KLF8: variants seen among roughly 807,000 people sequenced by gnomAD.
KLF8 encodes Krueppel-like factor 8.
Under a neutral mutation model 18.2 loss-of-function variants are expected in KLF8, and 10 were observed. The ratio of observed to expected loss-of-function variants is 0.55; its 90% confidence interval spans 0.34 to 0.93. KLF8 has a LOEUF of 0.93. KLF8 is among the 40% of genes least tolerant of loss of function. The probability of loss-of-function intolerance (pLI) is 0.02; values close to 1 mark genes in which losing one functional copy is unlikely to be tolerated. For missense variants in KLF8, 264 were observed against 277.9 expected, an observed-to-expected ratio of 0.95 and a Z score of 0.36; for synonymous variants, 109 against 97.3, an observed-to-expected ratio of 1.12 and a Z score of -0.71.
chrX:56,203,282 T>C, the KLF8 span, among the ~76,000 whole-genome samples: 158 of 112,383 alleles, frequency 1.4e-3, 2 homozygotes, highest in African/African-American at 4.4e-3. Context: ...ATAAGATTTT[T>C]CCCTATATTG....
chrX:56,235,868 A>G (rs759838344), intron 1 of KLF8, among the ~76,000 whole-genome samples: 46 of 112,344 alleles, frequency 4.1e-4, no homozygotes, highest in Admixed American at 5.7e-4. Context: ...TATGTTTCAT[A>G]AGTTGCGGTC....
At chrX:56,252,248 A>G (rs773471490) in intron 2 of KLF8, among the ~76,000 whole-genome samples, 64 of 111,358 alleles carry the variant, frequency 5.7e-4, no homozygotes, top group Non-Finnish European at 9.1e-4. Context: ...TCCTGACCTC[A>G]GGTGATCTGC....
the KLF8 span, among the ~76,000 whole-genome samples, chrX:56,065,040 A>G: frequency 9.0e-6 from 1 of 111,257 alleles, no homozygotes; most frequent in African/African-American, 3.3e-5. Flanking sequence ...TTGACTTTTT[A>G]CAGTTTGACT....
chrX:56,066,472 G>A, the KLF8 span, among the ~76,000 whole-genome samples: 1 of 112,114 alleles, frequency 8.9e-6, no homozygotes, highest in Non-Finnish European at 1.9e-5. Flanking sequence ...CTTCCCTGAT[G>A]CTCAGGAGGG....
the KLF8 span, among the ~76,000 whole-genome samples, chrX:56,198,224 G>T: frequency 8.9e-6 from 1 of 111,977 alleles, no homozygotes. Context: ...CATAGCGTTG[G>T]AAGTTCTGGC....
At chrX:56,149,589 G>T in the KLF8 span, among the ~76,000 whole-genome samples, 5 of 111,165 alleles carry the variant, frequency 4.5e-5, no homozygotes, top group Admixed American at 9.6e-5. Context: ...TAAAATAGAA[G>T]TTGAAAGTGT....
the KLF8 span, among the ~76,000 whole-genome samples, chrX:56,190,779 A>C: frequency 9.0e-6 from 1 of 111,631 alleles, no homozygotes; most frequent in Admixed American, 9.6e-5. Flanking sequence ...AAAGAAGTGA[A>C]TACCCACTAT....
chrX:55,913,251 C>T, the KLF8 span, among the ~76,000 whole-genome samples: 1 of 111,346 alleles, frequency 9.0e-6, no homozygotes, highest in Non-Finnish European at 1.9e-5. Context: ...TATAATAGCT[C>T]CTTTATTGTT....
chrX:56,230,980 A>G (rs1175847821), upstream of KLF8, among the ~76,000 whole-genome samples: 1 of 111,307 alleles, frequency 9.0e-6, no homozygotes, highest in Non-Finnish European at 1.9e-5. Flanking sequence ...CATTGGAAGG[A>G]CATGCAAGAA....
chrX:56,011,534 T>A, the KLF8 span, among the ~76,000 whole-genome samples: 2 of 110,824 alleles, frequency 1.8e-5, no homozygotes, highest in Non-Finnish European at 3.8e-5. Flanking sequence ...CAAACTAACA[T>A]CTCAACTAAA....
the KLF8 span, among the ~76,000 whole-genome samples, chrX:56,096,701 T>C: frequency 9.0e-6 from 1 of 111,301 alleles, no homozygotes; most frequent in Non-Finnish European, 1.9e-5. Flanking sequence ...CAATAGGGAA[T>C]ATCAACAAAA....
the KLF8 span, among the ~76,000 whole-genome samples, chrX:56,083,073 C>A: frequency 1.8e-4 from 20 of 111,629 alleles, no homozygotes; most frequent in African/African-American, 6.2e-4. Flanking sequence ...CCTTGTCTGT[C>A]CTCAAGTTTG....
At chrX:56,153,684 T>C in the KLF8 span, among the ~76,000 whole-genome samples, 1 of 110,986 alleles carries the variant, frequency 9.0e-6, no homozygotes, top group Non-Finnish European at 1.9e-5. Context: ...GAAAACCCCA[T>C]TGTCTCAGCC....
chrX:56,269,478 A>G lies in KLF8; in HGVS notation c.747A>G (p.Gly249=). 1.7e-6 allele frequency: 2 copies of G among 1,201,430 alleles called. No homozygotes were observed. The highest frequency in any genetic ancestry group is 3.7e-5 in the South Asian group (2 of 54,450). Reference sequence around the variant, plus strand: ...CCTCAGCCTTGCAGAGTCTGCAGGGACTACAGCAAGAGTGAGTACTTTTTG... The same window carrying G: ...CCTCAGCCTTGCAGAGTCTGCAGGGGCTACAGCAAGAGTGAGTACTTTTTG... The part of the protein sequence containing the change: ...SGSSALQSLQ[G]LQQEPAAMAQ... Residue 249 remains glycine (G), a synonymous_variant, in exon 4 of 6, where the codon GGA becomes GGG. Transcript: ENST00000468660.
rs1210009155 is a variant in KLF8 at position 56,288,732 on chromosome X, G to A, written c.*4238G>A. Among the ~76,000 whole-genome samples, 3 of 112,508 alleles carry A rather than the reference G, an allele frequency of 2.7e-5. No homozygotes were observed. In the East Asian group the frequency reaches 8.3e-4, roughly 31 times the overall value. ...AAACACGAAGTGAGCACATGCTGTT[G>A]GAAAAATGGTGCCAATAGACTTGTT... is the stretch of plus-strand genomic sequence containing the variant. On this transcript the variant is annotated 3_prime_UTR_variant, in exon 6 of 6. Coordinates refer to ENST00000468660, the MANE Select transcript of KLF8 (RefSeq NM_007250.5).
chrX:55,941,536 A>C, the KLF8 span, among the ~76,000 whole-genome samples: 7 of 112,221 alleles, frequency 6.2e-5, no homozygotes, highest in Non-Finnish European at 1.3e-4. Context: ...TAATTCAACT[A>C]AAGAGCTTCT....
chrX:56,163,627 G>T, the KLF8 span, among the ~76,000 whole-genome samples: 1 of 111,665 alleles, frequency 9.0e-6, no homozygotes, highest in African/African-American at 3.3e-5. Context: ...TTGATTTGTT[G>T]CAGTTGCTTT....
chrX:56,094,391 T>C, the KLF8 span, among the ~76,000 whole-genome samples: 1 of 111,131 alleles, frequency 9.0e-6, no homozygotes, highest in Non-Finnish European at 1.9e-5. Flanking sequence ...AATGACTAAG[T>C]ACAAATTATC....
intron 5 of KLF8, among the ~76,000 whole-genome samples, chrX:56,270,833 A>C (rs2067047842): frequency 9.0e-6 from 1 of 111,100 alleles, no homozygotes; most frequent in South Asian, 3.8e-4. Context: ...CACATAAATA[A>C]ATAAAGCAGA....
Sources: gnomAD v4.1 joint callset for allele counts (sites outside exome capture counted in the v4.1 genomes callset) on GRCh38, gnomAD v4.1.1 for gene constraint, MANE v1.5 for transcripts, NCBI Gene and HGNC (gene_info 2026-07-23, HGNC 2026-07-21) for gene names.